PDS5B: variants seen among roughly 807,000 people sequenced by gnomAD.
PDS5B encodes the protein PDS5 cohesin associated factor B, also known as sister chromatid cohesion protein PDS5 homolog B.
PDS5B carries 51 observed loss-of-function variants against 184.1 expected under a neutral mutation model. The observed-to-expected ratio is 0.28, with a 90% CI of 0.22 to 0.35. PDS5B has a LOEUF of 0.35. Among genes scored for constraint, PDS5B ranks in the 10% least tolerant of loss-of-function variants. The pLI, the probability that PDS5B is intolerant of heterozygous loss-of-function variation, is 1.00. For missense variants in PDS5B, 1,180 were observed against 1,723.3 expected, an observed-to-expected ratio of 0.68 and a Z score of 5.58; for synonymous variants, 566 against 569.2, an observed-to-expected ratio of 0.99 and a Z score of 0.08.
intron 3 of PDS5B, 91 bp downstream of exon 3, chr13:32,652,098 C>T (rs773030843): frequency 2.3e-6 from 2 of 873,202 alleles, no homozygotes; most frequent in Admixed American, 1.9e-5. Flanking sequence ...AGATGATTTC[C>T]TTGGATTCTT....
chr13:32,702,573 G>A (rs1305362018), intron 17 of PDS5B, among the ~76,000 whole-genome samples: 1 of 152,126 alleles, frequency 6.6e-6, no homozygotes, highest in East Asian at 1.9e-4. Flanking sequence ...ATTGAAAGAG[G>A]ATATCTCTAA....
Position 32,687,216 on chromosome 13 carries a change from C to T in PDS5B, c.1286C>T (p.Ala429Val), listed in dbSNP as rs1159366978. Residue 429 changes from alanine (A) to valine (V), a missense_variant, in exon 12 of 35, where the codon GCT (alanine) becomes GTT (valine). Ala to Val is a moderately conservative substitution (Grantham distance 64). Coordinates refer to ENST00000315596, the MANE Select transcript of PDS5B (RefSeq NM_015032.4). ...YALQSAAGKD[A>V]AKQIAWIKDK... ...TTACAGTCAGCAGCTGGAAAAGATG[C>T]TGCAAAACAGATAGCATGGATCAAA... The T allele has an allele frequency of 3.1e-6, 5 of 1,608,088 alleles. No individual in the cohort carries two copies. The South Asian group carries it at 5.6e-5, about 18-fold the overall frequency.
intron 28 of PDS5B, 85 bp downstream of exon 28, chr13:32,758,738 G>A: frequency 7.4e-7 from 1 of 1,342,324 alleles, no homozygotes; most frequent in Non-Finnish European, 1.0e-6. Flanking sequence ...AAGGATCATG[G>A]AAAAATTGCT....
At chr13:32,720,370 A>G (rs1203354896) in intron 19 of PDS5B, among the ~76,000 whole-genome samples, 1 of 152,192 alleles carries the variant, frequency 6.6e-6, no homozygotes, top group Non-Finnish European at 1.5e-5. Context: ...CAAACTTAAA[A>G]TGTGTATAGT....
intron 15 of PDS5B, among the ~76,000 whole-genome samples, chr13:32,698,049 CT>C (rs11314908): frequency 1 from 146,741 of 147,190 alleles, 73,146 homozygotes; most frequent in African/African-American, 1. Context: ...TCCCTAAGTT[CT>C]TTTTTTTTTT....
At chr13:32,624,304 A>G (rs1346317119) in intron 1 of PDS5B, among the ~76,000 whole-genome samples, 2 of 151,864 alleles carry the variant, frequency 1.3e-5, no homozygotes, top group Admixed American at 1.3e-4. Flanking sequence ...GTCCTCTAGC[A>G]TCTCCTAATT....
intron 33 of PDS5B, 69 bp downstream of exon 33, chr13:32,770,830 A>T (rs1056706679): frequency 2.4e-5 from 27 of 1,118,930 alleles, no homozygotes; most frequent in Middle Eastern, 4.1e-4. Context: ...ATTTGTAAAC[A>T]TACATATTGC....
chr13:32,753,135 CTTAT>C (rs1954046027), intron 24 of PDS5B, among the ~76,000 whole-genome samples, 193 bp from the exon 25 acceptor site: 1 of 152,064 alleles, frequency 6.6e-6, no homozygotes, highest in Non-Finnish European at 1.5e-5. Context: ...CTAACTGGTA[CTTAT>C]TAGGGCCCAG....
chr13:32,589,786 T>C (rs916769979), intron 1 of PDS5B, among the ~76,000 whole-genome samples: 4 of 130,664 alleles, frequency 3.1e-5, no homozygotes, highest in Admixed American at 2.2e-4. Context: ...TCTCTGAGAG[T>C]GTATTTACTT....
intron 1 of PDS5B, among the ~76,000 whole-genome samples, chr13:32,597,775 A>C (rs941073748): frequency 6.6e-6 from 1 of 151,418 alleles, no homozygotes; most frequent in African/African-American, 2.4e-5. Flanking sequence ...TGAACCTGGG[A>C]GGCAGAGGTT....
intron 9 of PDS5B, 36 bp from the exon 10 acceptor site, chr13:32,678,799 T>C (rs769394268): frequency 1.9e-5 from 21 of 1,128,842 alleles, no homozygotes; most frequent in Non-Finnish European, 2.6e-5. Flanking sequence ...GTTTCTCTTA[T>C]TTTGAAGCTC....
At position 32,720,644 on chromosome 13, in the gene PDS5B, T is replaced by A. The variant is rs138472935; in HGVS notation, c.2123+10538T>A. 6.1e-3 allele frequency among the ~76,000 whole-genome samples: 920 copies of A among 151,786 alleles called. 12 individuals carry two copies. The East Asian group carries it at 0.062, about 10-fold the overall frequency. The stretch of plus-strand genomic sequence containing the variant: ...ATTTATTTATTTTATTATTTTTTTT[T>A]AAAATTTTTTTAGTATTTATTGATC... On this transcript the variant is annotated intron_variant, in intron 19 of 34. Coordinates refer to ENST00000315596, the MANE Select transcript of PDS5B (RefSeq NM_015032.4).
intron 20 of PDS5B, among the ~76,000 whole-genome samples, chr13:32,733,289 C>T (rs1009549341): frequency 2.0e-5 from 3 of 152,126 alleles, no homozygotes; most frequent in African/African-American, 7.2e-5. Flanking sequence ...TCCTATGTAG[C>T]ATTTGGTTGG....
intron 7 of PDS5B, among the ~76,000 whole-genome samples, chr13:32,671,777 T>C (rs142749241): frequency 1.3e-5 from 2 of 152,322 alleles, no homozygotes; most frequent in African/African-American, 4.8e-5. Flanking sequence ...TATAGAAAGC[T>C]AAAGCCTAAT....
intron 1 of PDS5B, among the ~76,000 whole-genome samples, chr13:32,634,670 A>C (rs1193298220): frequency 2.0e-5 from 3 of 148,862 alleles, no homozygotes; most frequent in Non-Finnish European, 3.0e-5. Flanking sequence ...TGCAACCTCC[A>C]CCTCCAGGGT....
intron 20 of PDS5B, among the ~76,000 whole-genome samples, chr13:32,733,750 G>C (rs1953206714): frequency 1.3e-5 from 2 of 152,036 alleles, no homozygotes; most frequent in African/African-American, 4.8e-5. Flanking sequence ...AGAATATACG[G>C]TGAAAAGTTC....
At chr13:32,705,934 T>C (rs1448541118) in intron 17 of PDS5B, among the ~76,000 whole-genome samples, 1 of 152,154 alleles carries the variant, frequency 6.6e-6, no homozygotes, top group Non-Finnish European at 1.5e-5. Flanking sequence ...CCTAAGTGGC[T>C]GTGTTTACAG....
intron 3 of PDS5B, among the ~76,000 whole-genome samples, chr13:32,655,726 C>T (rs1950497250): frequency 6.6e-6 from 1 of 152,014 alleles, no homozygotes; most frequent in Non-Finnish European, 1.5e-5. Context: ...CTTATACCTT[C>T]TTGATATTAG....
chr13:32,728,524 T>A (rs1003618806), intron 19 of PDS5B, among the ~76,000 whole-genome samples: 1 of 152,198 alleles, frequency 6.6e-6, no homozygotes, highest in African/African-American at 2.4e-5. Context: ...GCAGAGCTCA[T>A]GCTGCCTTTC....
Sources: gnomAD v4.1 joint callset for allele counts (sites outside exome capture counted in the v4.1 genomes callset) on GRCh38, gnomAD v4.1.1 for gene constraint, MANE v1.5 for transcripts, NCBI Gene and HGNC (gene_info 2026-07-23, HGNC 2026-07-21) for gene names.